GABRA2: variants seen among roughly 807,000 people sequenced by gnomAD.
The protein encoded by GABRA2 is gamma-aminobutyric acid receptor subunit alpha-2.
GABRA2 carries 16 observed loss-of-function variants against 48.7 expected under a neutral mutation model. The ratio of observed to expected loss-of-function variants is 0.33; its 90% CI spans 0.22 to 0.50. The LOEUF (loss-of-function observed/expected upper bound fraction) is 0.50, where lower values mean the gene tolerates loss of function less well. Among genes scored for constraint, GABRA2 ranks in the 20% least tolerant of loss-of-function variants. The pLI, the probability that GABRA2 is intolerant of heterozygous loss-of-function variation, is 0.98. For missense variants in GABRA2, 275 were observed against 535.6 expected (o/e 0.51, Z 4.80); for synonymous variants, 185 against 184.5 (o/e 1.00, Z -0.02).
chr4:46,299,754 T>C (rs2109600249), intron 8 of GABRA2, among the ~76,000 whole-genome samples: 1 of 151,466 alleles, frequency 6.6e-6, no homozygotes, highest in Non-Finnish European at 1.5e-5. Context: ...TTCTTCCCTC[T>C]TCTATAGATA....
At chr4:46,379,628 G>A (rs926952456) in intron 3 of GABRA2, among the ~76,000 whole-genome samples, 27 of 152,074 alleles carry the variant, frequency 1.8e-4, no homozygotes, top group Admixed American at 6.5e-5. Flanking sequence ...TTATTCTGAA[G>A]GTTATCCTAC....
chr4:46,361,050 A>G (rs1713097244), intron 3 of GABRA2, among the ~76,000 whole-genome samples: 1 of 152,222 alleles, frequency 6.6e-6, no homozygotes, highest in South Asian at 2.1e-4. Context: ...AACAGAGCAT[A>G]AAAGTTTTTA....
intron 3 of GABRA2, among the ~76,000 whole-genome samples, chr4:46,369,162 C>A (rs181794510): frequency 2.6e-5 from 4 of 152,094 alleles, no homozygotes; most frequent in Admixed American, 6.6e-5. Flanking sequence ...CCTGGTCAAG[C>A]GGTTTACTTG....
At chr4:46,268,387 T>A (rs912129008) in intron 8 of GABRA2, among the ~76,000 whole-genome samples, 2 of 151,842 alleles carry the variant, frequency 1.3e-5, no homozygotes, top group Non-Finnish European at 2.9e-5. Flanking sequence ...GGCAAGGGAC[T>A]TCAAAAGATA....
At chr4:46,262,272 G>A in intron 8 of GABRA2, 144 bp from the exon 9 acceptor site, 1 of 568,156 alleles carries the variant, frequency 1.8e-6, no homozygotes, top group Non-Finnish European at 3.1e-6. Context: ...ATAAATACTG[G>A]AATTTATATT....
intron 3 of GABRA2, among the ~76,000 whole-genome samples, chr4:46,333,088 G>A (rs1731647956): frequency 6.6e-6 from 1 of 152,008 alleles, no homozygotes; most frequent in South Asian, 2.1e-4. Flanking sequence ...AGTATCTCGT[G>A]ATAGTAGAGA....
In GABRA2 at chr4:46,300,737, CAT is replaced by C. The variant is rs1421666229; in HGVS notation, c.856+2721_856+2722del. 7.9e-5 allele frequency among the ~76,000 whole-genome samples: 12 copies of C among 152,130 alleles called. No homozygotes were observed. In the South Asian group the frequency reaches 1.7e-3, roughly 21 times the overall value. ...CTTAAATTATCCAAGAAAAATTCTACATGTTAGCCTAAATTATTCTTTTTTCT... is the reference window on the plus strand; with the variant it reads ...CTTAAATTATCCAAGAAAAATTCTACGTTAGCCTAAATTATTCTTTTTTCT... On this transcript the variant is annotated intron_variant, in intron 8 of 9. Transcript: ENST00000381620.
In GABRA2 at chr4:46,244,598, C is replaced by T. The variant is rs533517758; in HGVS notation, c.*5710G>A. 6.6e-6 allele frequency among the ~76,000 whole-genome samples: 1 copy of T among 151,522 alleles called. No homozygotes were observed. Among genetic ancestry groups the T allele is most frequent in the African/African-American group, 2.4e-5 (1 of 41,486 alleles). ...ATATTTGATGAAATCAATACATAATCCTTGAAGCCCAATGGGATTAAATGT... is the reference window on the plus strand; with the variant it reads ...ATATTTGATGAAATCAATACATAATTCTTGAAGCCCAATGGGATTAAATGT... On this transcript the variant is annotated 3_prime_UTR_variant, in exon 10 of 10. Coordinates refer to ENST00000381620, the MANE Select transcript of GABRA2 (RefSeq NM_000807.4).
chr4:46,370,689 T>C (rs2109997830), intron 3 of GABRA2, among the ~76,000 whole-genome samples: 1 of 152,306 alleles, frequency 6.6e-6, no homozygotes, highest in Admixed American at 6.5e-5. Flanking sequence ...CACCTAATTT[T>C]GTACAAACTT....
intron 3 of GABRA2, among the ~76,000 whole-genome samples, chr4:46,339,288 G>A (rs1356987129): frequency 6.6e-6 from 1 of 151,642 alleles, no homozygotes; most frequent in South Asian, 2.1e-4. Context: ...TCCATATGTG[G>A]CTATGTTACT....
intron 3 of GABRA2, among the ~76,000 whole-genome samples, chr4:46,355,514 C>T (rs897058302): frequency 3.3e-5 from 5 of 152,098 alleles, no homozygotes; most frequent in Admixed American, 3.3e-4. Context: ...TAAATGGATT[C>T]TCAAATTTCC....
At chr4:46,321,489 C>A (rs530412368) in intron 4 of GABRA2, among the ~76,000 whole-genome samples, 6 of 152,012 alleles carry the variant, frequency 3.9e-5, no homozygotes, top group African/African-American at 1.4e-4. Context: ...AATAAAAAAT[C>A]TTTTCACAAT....
At chr4:46,276,880 T>C (rs1239548105) in intron 8 of GABRA2, among the ~76,000 whole-genome samples, 1 of 152,092 alleles carries the variant, frequency 6.6e-6, no homozygotes, top group African/African-American at 2.4e-5. Context: ...ATTAAATAAA[T>C]GCTACTTTTA....
intron 8 of GABRA2, among the ~76,000 whole-genome samples, chr4:46,291,968 CT>C (rs2109541789): frequency 6.6e-6 from 1 of 151,866 alleles, no homozygotes; most frequent in East Asian, 1.9e-4. Context: ...ATAATTAGAC[CT>C]CAAAATGCTG....
At chr4:46,305,542 CT>C (rs1430988827) in intron 7 of GABRA2, 25 bp downstream of exon 7, 3 of 1,604,500 alleles carry the variant, frequency 1.9e-6, no homozygotes, top group East Asian at 4.5e-5. Context: ...TAGGCACCAG[CT>C]TTTTTAAAGA....
At chr4:46,271,284 T>A (rs544160387) in intron 8 of GABRA2, among the ~76,000 whole-genome samples, 3 of 151,896 alleles carry the variant, frequency 2.0e-5, no homozygotes, top group African/African-American at 7.2e-5. Flanking sequence ...GGCCAATGGA[T>A]AAAAATTGAA....
intron 3 of GABRA2, among the ~76,000 whole-genome samples, chr4:46,360,594 T>C (rs1213416407): frequency 6.6e-6 from 1 of 152,164 alleles, no homozygotes; most frequent in Admixed American, 6.5e-5. Flanking sequence ...AGTGTGAAAA[T>C]GGACTAATAC....
intron 9 of GABRA2, chr4:46,260,860 A>G (rs1716817147): frequency 6.6e-6 from 1 of 151,964 alleles, no homozygotes; most frequent in African/African-American, 2.4e-5. Flanking sequence ...TAAAATTTCT[A>G]TGGCTTACAA....
intron 8 of GABRA2, among the ~76,000 whole-genome samples, chr4:46,274,238 T>C (rs2063161477): frequency 6.6e-6 from 1 of 152,124 alleles, no homozygotes; most frequent in South Asian, 2.1e-4. Context: ...TGTAGTACCT[T>C]ACTGAAGATC....
Sources: gnomAD v4.1 joint callset for allele counts (sites outside exome capture counted in the v4.1 genomes callset) on GRCh38, gnomAD v4.1.1 for gene constraint, MANE v1.5 for transcripts, NCBI Gene and HGNC (gene_info 2026-07-23, HGNC 2026-07-21) for gene names.